The following PHTF2 variants were observed in gnomAD, a reference collection of about 807,000 sequenced individuals.
PHTF2 encodes the protein putative homeodomain transcription factor 2.
PHTF2 carries 60 observed loss-of-function variants against 101.2 expected under a neutral mutation model. The ratio of observed to expected loss-of-function variants is 0.59; its 90% CI spans 0.48 to 0.73. The LOEUF (loss-of-function observed/expected upper bound fraction) is 0.73. Ranked by LOEUF, PHTF2 falls within the 30% of genes least tolerant of loss-of-function variation. The pLI, the probability that PHTF2 is intolerant of heterozygous loss-of-function variation, is 0.00. For synonymous variants in PHTF2, 311 were observed against 307.3 expected (o/e 1.01, Z -0.13); for missense variants, 747 against 908.7 (o/e 0.82, Z 2.29).
intron 2 of PHTF2, among the ~76,000 whole-genome samples, chr7:77,847,256 A>G (rs530202275): frequency 4.6e-5 from 7 of 152,260 alleles, no homozygotes; most frequent in African/African-American, 1.7e-4. Flanking sequence ...AGTAGAGAGA[A>G]AATTAAGATC....
At chr7:77,845,846 A>G (rs948632299) in intron 2 of PHTF2, among the ~76,000 whole-genome samples, 2 of 152,152 alleles carry the variant, frequency 1.3e-5, no homozygotes, top group African/African-American at 2.4e-5. Context: ...TCTAACTCAA[A>G]CTATCTTAAA....
chr7:77,894,431 T>G (rs1235978741), intron 5 of PHTF2, among the ~76,000 whole-genome samples: 2 of 152,210 alleles, frequency 1.3e-5, no homozygotes, highest in Admixed American at 6.5e-5. Context: ...AAAGTTTTCA[T>G]TAGATTGAAA....
At chr7:77,867,632 C>T (rs1182165176) in intron 3 of PHTF2, among the ~76,000 whole-genome samples, 1 of 152,166 alleles carries the variant, frequency 6.6e-6, no homozygotes, top group Non-Finnish European at 1.5e-5. Flanking sequence ...TAGTATACTT[C>T]AGTAACTGTG....
In PHTF2 at chr7:77,836,524, C is replaced by T. The variant is rs146550406; in HGVS notation, c.-35-3697C>T. Among the ~76,000 whole-genome samples, 8 of 152,254 alleles carry T rather than the reference C, an allele frequency of 5.3e-5. No homozygotes were observed. In the East Asian group the frequency reaches 1.3e-3, roughly 26 times the overall value. ...AATACAGCAAATAAAGACACATGCA[C>T]ACATATGTTTATTGTGGCACTGTTC... On this transcript the variant is annotated intron_variant, in intron 1 of 19. Transcript: ENST00000416283.
intron 11 of PHTF2, among the ~76,000 whole-genome samples, chr7:77,927,564 C>T (rs985115846): frequency 6.6e-6 from 1 of 152,148 alleles, no homozygotes; most frequent in African/African-American, 2.4e-5. Flanking sequence ...TGCCACTGCA[C>T]TCCAGCCTGG....
At chr7:77,809,016 A>G (rs1477737420) in intron 1 of PHTF2, among the ~76,000 whole-genome samples, 1 of 152,140 alleles carries the variant, frequency 6.6e-6, no homozygotes, top group Non-Finnish European at 1.5e-5. Flanking sequence ...GGAAAATATA[A>G]AAAGTACCAT....
At chr7:77,936,606 G>A (rs1230404053) in intron 12 of PHTF2, among the ~76,000 whole-genome samples, 1 of 151,828 alleles carries the variant, frequency 6.6e-6, no homozygotes, top group African/African-American at 2.4e-5. Flanking sequence ...CCTGGGAGGC[G>A]GAGGTTGCAG....
intron 3 of PHTF2, among the ~76,000 whole-genome samples, chr7:77,870,113 C>G (rs1431499819): frequency 6.6e-6 from 1 of 151,918 alleles, no homozygotes; most frequent in African/African-American, 2.4e-5. Context: ...TCTATTTTTG[C>G]TTTTGTTGCC....
chr7:77,887,529 T>G (rs1431361308), intron 3 of PHTF2, among the ~76,000 whole-genome samples: 1 of 152,196 alleles, frequency 6.6e-6, no homozygotes, highest in Non-Finnish European at 1.5e-5. Flanking sequence ...ATCTTAAGAC[T>G]TCAGTCTTCT....
In PHTF2 at chr7:77,929,249, T is replaced by TACCA; in HGVS notation, c.1261_1264dup (p.Ser422AsnfsTer3). ...ATTGTGCAGAATGCCATTCATCTTGTACCAGTGAGACAGATGTGGAAAATC... is the reference window on the plus strand; with the variant it reads ...ATTGTGCAGAATGCCATTCATCTTGTACCAACCAGTGAGACAGATGTGGAAAATC... On this transcript the variant is annotated frameshift_variant, in exon 12 of 20. Transcript: ENST00000416283. LOFTEE classifies it high-confidence loss of function. 1 of 1,610,928 alleles carries TACCA rather than the reference T, an allele frequency of 6.2e-7. No homozygotes were observed. The highest frequency in any genetic ancestry group is 8.5e-7 in the Non-Finnish European group (1 of 1,177,066).
chr7:77,868,846 G>GT (rs975071894), intron 3 of PHTF2, among the ~76,000 whole-genome samples: 13 of 152,168 alleles, frequency 8.5e-5, no homozygotes, highest in African/African-American at 2.9e-4. Context: ...GAATGATAAT[G>GT]TTGACTTTTA....
intron 7 of PHTF2, among the ~76,000 whole-genome samples, chr7:77,907,338 A>T (rs1801958196): frequency 6.6e-6 from 1 of 152,176 alleles, no homozygotes; most frequent in African/African-American, 2.4e-5. Flanking sequence ...ATTAAAGTGT[A>T]TTAGCAGATT....
chr7:77,801,076 T>TA (rs1792506404), intron 1 of PHTF2, among the ~76,000 whole-genome samples: 1 of 152,228 alleles, frequency 6.6e-6, no homozygotes, highest in Non-Finnish European at 1.5e-5. Context: ...CATTGTATAA[T>TA]AGGCACTGTT....
At chr7:77,831,461 A>G (rs1795072517) in intron 1 of PHTF2, among the ~76,000 whole-genome samples, 1 of 152,224 alleles carries the variant, frequency 6.6e-6, no homozygotes, top group Non-Finnish European at 1.5e-5. Flanking sequence ...TTCAGCTAGT[A>G]CCATAACTAG....
In PHTF2 at chr7:77,844,809, G is replaced by A. The variant is rs572250765; in HGVS notation, c.45+4509G>A. Among the ~76,000 whole-genome samples the A allele has an allele frequency of 1.7e-4, 26 of 152,364 alleles. No homozygotes were observed. In the Middle Eastern group the frequency reaches 0.014, roughly 80 times the overall value. On this transcript the variant is annotated intron_variant, in intron 2 of 19. Coordinates refer to ENST00000416283, the Ensembl canonical transcript of PHTF2. The stretch of plus-strand genomic sequence containing the variant: ...TAAAGTGCTGGGATTACAGGCATGA[G>A]CCATTGCACCCGGCCTAAATAAATT...
intron 19 of PHTF2, among the ~76,000 whole-genome samples, chr7:77,954,483 A>G (rs1315231443): frequency 6.6e-6 from 1 of 151,946 alleles, no homozygotes; most frequent in African/African-American, 2.4e-5. Flanking sequence ...GATAAAAAAG[A>G]AAAAAGCCTT....
At chr7:77,854,369 C>T (rs371199724) in intron 2 of PHTF2, among the ~76,000 whole-genome samples, 1 of 152,154 alleles carries the variant, frequency 6.6e-6, no homozygotes, top group Non-Finnish European at 1.5e-5. Flanking sequence ...CCTTTGGCTA[C>T]CACTACTAGG....
Position 77,896,538 on chromosome 7 carries a change from A to G in PHTF2, c.216+2545A>G, listed in dbSNP as rs1306925171. On this transcript the variant is annotated intron_variant, in intron 5 of 19. Coordinates refer to ENST00000416283, the Ensembl canonical transcript of PHTF2. ...CACTGCACTCCAGCCTGGGCAACAG[A>G]GTGAGACTTTGTCTCTAAAAAATAC... Among the ~76,000 whole-genome samples the G allele has an allele frequency of 3.9e-5, 6 of 152,208 alleles. No individual in the cohort carries two copies. The East Asian group carries it at 1.2e-3, about 29-fold the overall frequency.
intron 8 of PHTF2, 152 bp downstream of exon 7, chr7:77,909,110 A>G: frequency 2.0e-6 from 1 of 498,002 alleles, no homozygotes; most frequent in East Asian, 3.3e-5. Context: ...TTACCAGATG[A>G]TTTAGTTTCC....
Sources: allele counts gnomAD v4.1 joint callset (sites outside exome capture counted in the v4.1 genomes callset), GRCh38; gene constraint gnomAD v4.1.1; transcripts MANE v1.5; gene names NCBI Gene and HGNC (gene_info 2026-07-23, HGNC 2026-07-21).